Variants in TBC1D16 observed in about 807,000 individuals in gnomAD.
TBC1D16 encodes TBC1 domain family member 16, also known as CTD-2529O21.1.
In TBC1D16, 58 loss-of-function variants were observed where a neutral mutation model predicts 74.7. That is an observed-to-expected ratio of 0.78 (90% CI 0.63 to 0.97). The LOEUF is 0.97. Ranked by LOEUF, TBC1D16 falls within the 50% of genes least tolerant of loss-of-function variation. The pLI is 0.00. For synonymous variants in TBC1D16, 493 were observed against 474.7 expected (o/e 1.04, Z -0.50); for missense variants, 1,014 against 1,079.5 (o/e 0.94, Z 0.85).
chr17:80,004,090 A>G (rs940142719), intron 3 of TBC1D16, among the ~76,000 whole-genome samples: 1 of 152,240 alleles, frequency 6.6e-6, no homozygotes, highest in Non-Finnish European at 1.5e-5. Flanking sequence ...AAAATTAAAA[A>G]CAATTTTATT....
In TBC1D16 at chr17:79,983,776, G is replaced by A. The variant is rs985375660; in HGVS notation, c.779+26384C>T. Among the ~76,000 whole-genome samples, 5 of 152,178 alleles carry A rather than the reference G, an allele frequency of 3.3e-5. No homozygotes were observed. The highest frequency in any genetic ancestry group is 5.9e-5 in the Non-Finnish European group (4 of 68,028). ...AAGCTCTAGTTCAGACACAGGGGGC[G>A]CTGGGTCACGGGGTTCATTTATGAT... On this transcript the variant is annotated intron_variant, in intron 3 of 11. Coordinates refer to ENST00000310924, the MANE Select transcript of TBC1D16 (RefSeq NM_019020.4). This position sits in a 1 kb window ranked among gnomAD's most constrained non-coding sequence, Gnocchi z 5.6.
chr17:79,959,781 A>G (rs1339731098), intron 3 of TBC1D16, among the ~76,000 whole-genome samples: 1 of 152,228 alleles, frequency 6.6e-6, no homozygotes, highest in Admixed American at 6.5e-5. Flanking sequence ...CCGTAAGAGA[A>G]AACCTGTGTA....
At chr17:79,989,931 G>A (rs1175599184) in intron 3 of TBC1D16, among the ~76,000 whole-genome samples, 1 of 152,122 alleles carries the variant, frequency 6.6e-6, no homozygotes, top group Admixed American at 6.5e-5. Context: ...GGGGTGGCTG[G>A]GGTGTTGCTG....
chr17:80,024,648 TAGACATACACACCATAGACACAC>T (rs2036477673), intron 1 of TBC1D16, among the ~76,000 whole-genome samples: 4 of 108,522 alleles, frequency 3.7e-5, no homozygotes, highest in Non-Finnish European at 7.4e-5. Context: ...ACACACACCA[TAGACATACACACCATAGACACAC>T]AGACACACAT....
chr17:80,013,474 C>T lies in TBC1D16; in HGVS notation c.74G>A (p.Ser25Asn). ...SDLLTLTPGG[S>N]GSGSPSVLDG... ...CAGGACAGAGGGGGACCCGCTGCCGCTGCCACCGGGGGTGAGGGTCAGGAG... is the reference window on the plus strand; with the variant it reads ...CAGGACAGAGGGGGACCCGCTGCCGTTGCCACCGGGGGTGAGGGTCAGGAG... Residue 25 changes from serine (S) to asparagine (N), a missense_variant, in exon 2 of 12, where the codon AGC (serine) becomes AAC (asparagine). Physicochemically the swap from Ser to Asn is conservative, Grantham distance 46 (BLOSUM62 1). Transcript: ENST00000310924. The T allele has an allele frequency of 6.3e-7, 1 of 1,594,912 alleles. No individual in the cohort carries two copies. Among genetic ancestry groups the T allele is most frequent in the South Asian group, 1.1e-5 (1 of 87,992 alleles).
chr17:79,992,640 T>A (rs1764423921), intron 3 of TBC1D16, among the ~76,000 whole-genome samples: 1 of 152,232 alleles, frequency 6.6e-6, no homozygotes, highest in Non-Finnish European at 1.5e-5. Flanking sequence ...CACCCGGTTT[T>A]CGGGGTCCCA....
At chr17:80,031,233 G>A (rs1239944337) in intron 1 of TBC1D16, among the ~76,000 whole-genome samples, 1 of 152,216 alleles carries the variant, frequency 6.6e-6, no homozygotes, top group Non-Finnish European at 1.5e-5. Context: ...CCCCTGCGGG[G>A]CCGCCGTGAT....
chr17:80,010,035 G>T lies in TBC1D16; in HGVS notation c.779+125C>A. On this transcript the variant is annotated intron_variant, in intron 3 of 11. Transcript: ENST00000310924. This position sits in a 1 kb window ranked among gnomAD's most constrained non-coding sequence, Gnocchi z 8.8. The stretch of plus-strand genomic sequence containing the variant: ...TCCTGCCACAGCCACGGCCACAGCC[G>T]CGGGCAGGTCGGGCAGATGCCTCCA... 1.2e-6 allele frequency: 1 copy of T among 821,938 alleles called. No individual in the cohort carries two copies. Among genetic ancestry groups the T allele is most frequent in the Non-Finnish European group, 1.9e-6 (1 of 535,436 alleles). 50.9% of individuals were successfully genotyped at this position (821,938 alleles called of 1,614,324 possible).
intron 3 of TBC1D16, among the ~76,000 whole-genome samples, chr17:79,973,641 C>T (rs1051100591): frequency 1.3e-5 from 2 of 151,198 alleles, no homozygotes; most frequent in Middle Eastern, 3.4e-3. Flanking sequence ...ACCCCAGAGG[C>T]GGAGCTTGCA....
At chr17:80,003,686 C>T (rs897754470) in intron 3 of TBC1D16, among the ~76,000 whole-genome samples, 1 of 151,996 alleles carries the variant, frequency 6.6e-6, no homozygotes, top group African/African-American at 2.4e-5. Flanking sequence ...TAGGCTAACA[C>T]GTGGGCACAC....
rs1419332339 is a variant in TBC1D16 at position 79,988,990 on chromosome 17, GAA to G, written c.779+21168_779+21169del. Among the ~76,000 whole-genome samples the G allele has an allele frequency of 6.6e-6, 1 of 152,160 alleles. No individual in the cohort carries two copies. Among genetic ancestry groups the G allele is most frequent in the Non-Finnish European group, 1.5e-5 (1 of 68,028 alleles). On this transcript the variant is annotated intron_variant, in intron 3 of 11. Transcript: ENST00000310924. This position sits in a 1 kb window ranked among gnomAD's most constrained non-coding sequence, Gnocchi z 5.7. Reference sequence around the variant, plus strand: ...GAAGAAGCCTTTCATCAGTAAAAGAGAAAACGGCTTCTCCAAAGGAAGTTTCT... The same window carrying G: ...GAAGAAGCCTTTCATCAGTAAAAGAGAACGGCTTCTCCAAAGGAAGTTTCT...
rs200450567 is a variant in TBC1D16, at chr17:80,023,657, G to GCCCCCCCCCC, written c.-62-10049_-62-10048insGGGGGGGGGG. The stretch of plus-strand genomic sequence containing the variant: ...GGCCAGGAGCGAGAACTGCTGCCGG[G>GCCCCCCCCCC]CCCCCCCCCACCGGCTCAGGGCGTG... On this transcript the variant is annotated intron_variant, in intron 1 of 11. Transcript: ENST00000310924. 2.8e-5 allele frequency among the ~76,000 whole-genome samples: 4 copies of GCCCCCCCCCC among 144,310 alleles called. 1 individual carries two copies. The highest frequency in any genetic ancestry group is 1.1e-4 in the African/African-American group (4 of 35,426). 94.7% of individuals were successfully genotyped at this position (144,310 alleles called of 152,430 possible).
At chr17:80,006,898 C>G (rs1407811062) in intron 3 of TBC1D16, among the ~76,000 whole-genome samples, 2 of 152,156 alleles carry the variant, frequency 1.3e-5, no homozygotes, top group African/African-American at 2.4e-5. Flanking sequence ...TAGGCTCAAG[C>G]AATCCACCCA....
chr17:79,940,953 T>TA lies in TBC1D16; in HGVS notation c.2209dup (p.Tyr737LeufsTer83). The TA allele has an allele frequency of 6.2e-7, 1 of 1,602,838 alleles. No individual in the cohort carries two copies. The highest frequency in any genetic ancestry group is 8.5e-7 in the Non-Finnish European group (1 of 1,175,316). On this transcript the variant is annotated frameshift_variant, in exon 12 of 12. Coordinates refer to ENST00000310924, the MANE Select transcript of TBC1D16 (RefSeq NM_019020.4). LOFTEE classifies it high-confidence loss of function. The surrounding 1 kb of genome is among the most constrained non-coding windows in gnomAD (Gnocchi z 5.4). ...GGAAGGCATCTCCACCGTGCCCCCG[T>TA]AGGGACAGCTCTCCGAGCCGGGATG...
intron 3 of TBC1D16, among the ~76,000 whole-genome samples, chr17:79,977,502 C>G (rs2034379423): frequency 1.3e-5 from 2 of 152,268 alleles, no homozygotes; most frequent in South Asian, 4.1e-4. Flanking sequence ...ATCTCTGCAA[C>G]CCTTGCCCCA....
At position 80,009,507 on chromosome 17, in the gene TBC1D16, G is replaced by A. The variant is rs1258944733; in HGVS notation, c.779+653C>T. Among the ~76,000 whole-genome samples the A allele has an allele frequency of 6.6e-6, 1 of 152,246 alleles. No individual in the cohort carries two copies. ...GGGCCCAACTCTAGCTCCTGCAAGT[G>A]TGGCCAGCAAGGAGTCCAGATACTC... On this transcript the variant is annotated intron_variant, in intron 3 of 11. Transcript: ENST00000310924. The surrounding 1 kb of genome is among the most constrained non-coding windows in gnomAD (Gnocchi z 5.4).
intron 3 of TBC1D16, among the ~76,000 whole-genome samples, chr17:79,964,334 C>A (rs910862355): frequency 6.6e-6 from 1 of 152,108 alleles, no homozygotes; most frequent in Non-Finnish European, 1.5e-5. Context: ...GACAATTATT[C>A]CTTATTAAAC....
At chr17:79,970,410 G>C (rs558047751) in intron 3 of TBC1D16, among the ~76,000 whole-genome samples, 2 of 152,154 alleles carry the variant, frequency 1.3e-5, no homozygotes, top group Non-Finnish European at 2.9e-5. Flanking sequence ...CTTTAAAAGG[G>C]TGACTTTTAT....
In TBC1D16 at chr17:79,945,240, A is replaced by G. The variant is rs368145140; in HGVS notation, c.1729-153T>C. On this transcript the variant is annotated intron_variant, in intron 9 of 11. Transcript: ENST00000310924. ...CCTGCTGCATGTGCCTGCCCCCCCAACGCTCCATTCCGCCGCTGGAATCGG... is the reference window on the plus strand; with the variant it reads ...CCTGCTGCATGTGCCTGCCCCCCCAGCGCTCCATTCCGCCGCTGGAATCGG... Among the ~76,000 whole-genome samples, 295 of 152,146 alleles carry G rather than the reference A, an allele frequency of 1.9e-3. 2 individuals are homozygous for G. The highest frequency in any genetic ancestry group is 2.9e-3 in the Non-Finnish European group (198 of 67,956).
Sources: allele counts gnomAD v4.1 joint callset (sites outside exome capture counted in the v4.1 genomes callset), GRCh38; gene constraint gnomAD v4.1.1; non-coding constraint Gnocchi (gnomAD v3.1); transcripts MANE v1.5; gene names NCBI Gene and HGNC (gene_info 2026-07-23, HGNC 2026-07-21).